TOM1: variants seen among roughly 807,000 people sequenced by gnomAD.
The protein encoded by TOM1 is target of myb1 membrane trafficking protein.
In TOM1, 38 loss-of-function variants were observed where a neutral mutation model predicts 61.3. The ratio of observed to expected loss-of-function variants is 0.62; its 90% CI spans 0.48 to 0.81. The LOEUF (loss-of-function observed/expected upper bound fraction) is 0.81. TOM1 is among the 40% of genes least tolerant of loss of function. The pLI is 0.00. For missense variants in TOM1, 591 were observed against 659.6 expected (o/e 0.90, Z 1.14); for synonymous variants, 270 against 268.8 (o/e 1.00, Z -0.04).
Position 35,323,687 on chromosome 22 carries a change from G to A in TOM1, c.501+57G>A. 6.2e-7 allele frequency: 1 copy of A among 1,610,692 alleles called. No homozygotes were observed. The highest frequency in any genetic ancestry group is 8.5e-7 in the Non-Finnish European group (1 of 1,177,314). On this transcript the variant is annotated intron_variant, in intron 5 of 14. Transcript: ENST00000449058. This position sits in a 1 kb window ranked among gnomAD's most constrained non-coding sequence, Gnocchi z 4.2. ...AAGGGAGGCAGGACTCATCCCCAGAGACATCACCAGGCTGGCCCCTGACTT... is the reference window on the plus strand; with the variant it reads ...AAGGGAGGCAGGACTCATCCCCAGAAACATCACCAGGCTGGCCCCTGACTT...
Position 35,332,441 on chromosome 22 carries a change from G to A in TOM1, c.900-540G>A, listed in dbSNP as rs113273925. 7.2e-5 allele frequency among the ~76,000 whole-genome samples: 11 copies of A among 152,212 alleles called. 1 individual carries two copies. The highest frequency in any genetic ancestry group is 2.2e-4 in the African/African-American group (9 of 41,530). The stretch of plus-strand genomic sequence containing the variant: ...AGTTCAGAAGGAACATAATTTACCC[G>A]AGGTCATGTGATAAGTGACAAGGCC... On this transcript the variant is annotated intron_variant, in intron 8 of 14. Transcript: ENST00000449058.
In TOM1 at chr22:35,308,169, CT is replaced by C. The variant is rs552195257; in HGVS notation, c.52+8191del. On this transcript the variant is annotated intron_variant, in intron 1 of 14. Coordinates refer to ENST00000449058, the MANE Select transcript of TOM1 (RefSeq NM_005488.3). ...CCTACAGATTTTCAACTTGCTAAGC[CT>C]TCACACCTGCATAAGCCAATTCCTT... 2.2e-4 allele frequency among the ~76,000 whole-genome samples: 34 copies of C among 152,274 alleles called. 1 individual carries two copies. In the South Asian group the frequency reaches 6.2e-3, roughly 28 times the overall value.
At chr22:35,333,550 A>T (rs888067834) in intron 10 of TOM1, 53 bp downstream of exon 10, 39 of 1,550,662 alleles carry the variant, frequency 2.5e-5, no homozygotes, top group Non-Finnish European at 3.3e-5. Context: ...TACTGTGGGC[A>T]CCCCTGCAGA....
At chr22:35,304,322 C>T (rs956652943) in intron 1 of TOM1, among the ~76,000 whole-genome samples, 2 of 152,126 alleles carry the variant, frequency 1.3e-5, no homozygotes, top group African/African-American at 4.8e-5. Flanking sequence ...CTCCCCTCAT[C>T]GATGAGTAGG....
At chr22:35,311,834 T>C (rs1301248084) in intron 1 of TOM1, among the ~76,000 whole-genome samples, 2 of 152,218 alleles carry the variant, frequency 1.3e-5, no homozygotes, top group African/African-American at 2.4e-5. Context: ...CTGACACTTC[T>C]TCACTGAATG....
chr22:35,338,839 G>C (rs1158138192), intron 12 of TOM1, 51 bp downstream of exon 12: 10 of 1,493,812 alleles, frequency 6.7e-6, no homozygotes, highest in Non-Finnish European at 8.9e-6. Context: ...AAGGAGGTGA[G>C]GGAATGCTCA....
At chr22:35,314,101 AC>A (rs1476429441) in intron 1 of TOM1, among the ~76,000 whole-genome samples, 1 of 152,186 alleles carries the variant, frequency 6.6e-6, no homozygotes, top group African/African-American at 2.4e-5. Flanking sequence ...GAATATGCCT[AC>A]CCTGTGGGCA....
rs749523049 is a variant in TOM1, at chr22:35,327,346, G to A, written c.724G>A (p.Val242Met). 4 of 1,613,942 alleles carry A rather than the reference G, an allele frequency of 2.5e-6. No individual in the cohort carries two copies. The highest frequency in any genetic ancestry group is 2.5e-6 in the Non-Finnish European group (3 of 1,180,012). The change falls in exon 7 of 15, where the codon GTG (valine) becomes ATG (methionine). Residue 242 changes from valine (V) to methionine (M), a missense_variant. Coordinates refer to ENST00000449058, the MANE Select transcript of TOM1 (RefSeq NM_005488.3). Reference sequence around the variant, plus strand: ...GATGTCGGAGATGCTGACGGAGCTGGTGCCCACCCAGGCCGAGCCCGCAGA... The same window carrying A: ...GATGTCGGAGATGCTGACGGAGCTGATGCCCACCCAGGCCGAGCCCGCAGA... ...RVMSEMLTEL[V>M]PTQAEPADLE...
chr22:35,346,880 C>T (rs371002429), intron 13 of TOM1, 50 bp from the exon 14 acceptor site: 178 of 1,576,932 alleles, frequency 1.1e-4, no homozygotes, highest in Non-Finnish European at 1.3e-4. Context: ...CCAGGCTGAC[C>T]GTACTGGGGG....
intron 1 of TOM1, among the ~76,000 whole-genome samples, chr22:35,310,628 A>G: frequency 6.6e-6 from 1 of 152,264 alleles, no homozygotes; most frequent in East Asian, 1.9e-4. Context: ...TAAGGGATCA[A>G]TGAGTGCCCA....
intron 7 of TOM1, among the ~76,000 whole-genome samples, chr22:35,329,127 T>C (rs1928595141): frequency 6.6e-6 from 1 of 152,146 alleles, no homozygotes; most frequent in Non-Finnish European, 1.5e-5. Flanking sequence ...GGCTAATTTT[T>C]GTATTATTAG....
At chr22:35,299,797 G>A, upstream of TOM1, 3 of 1,027,478 alleles carry the variant, frequency 2.9e-6, no homozygotes, top group Non-Finnish European at 4.3e-6. Context: ...GGGGCTTGTG[G>A]TCGAGCTTCG....
At chr22:35,330,564 C>A in intron 8 of TOM1, 84 bp downstream of exon 8, 1 of 1,347,402 alleles carries the variant, frequency 7.4e-7, no homozygotes, top group Non-Finnish European at 1.0e-6. Context: ...GGTCTCATGC[C>A]ATCTGAGCCT....
Position 35,347,425 on chromosome 22 carries a change from G to C in TOM1, c.*216G>C. ...GTCTGCGCTGCAGTGGGATCTGGCT[G>C]CTCTGCCTCCTTTCCCACCCCAGCT... On this transcript the variant is annotated 3_prime_UTR_variant, in exon 15 of 15. Transcript: ENST00000449058. 2.2e-6 allele frequency: 1 copy of C among 458,212 alleles called. No homozygotes were observed. 28.4% of individuals were successfully genotyped at this position (458,212 alleles called of 1,614,324 possible). A position where few individuals can be genotyped will look rare whatever the true frequency, so the allele number is the denominator to read the frequency against.
intron 1 of TOM1, among the ~76,000 whole-genome samples, chr22:35,316,421 A>G (rs1601678084): frequency 6.6e-6 from 1 of 152,258 alleles, no homozygotes; most frequent in East Asian, 1.9e-4. Flanking sequence ...AAAACAGGCC[A>G]TGCGGCACCT....
chr22:35,338,803 C>A lies in TOM1; in HGVS notation c.1224+15C>A. 6.4e-7 allele frequency: 1 copy of A among 1,565,094 alleles called. No homozygotes were observed. Among genetic ancestry groups the A allele is most frequent in the Non-Finnish European group, 8.6e-7 (1 of 1,158,540 alleles). On this transcript the variant is annotated intron_variant, in intron 12 of 14. Transcript: ENST00000449058. ...GCACTGGCGCGGTAAGCAGAGGGGC[C>A]ATCCTGCCACCCTGGGGCCCTCCTG... is the stretch of plus-strand genomic sequence containing the variant.
chr22:35,338,554 C>T (rs894679035), intron 11 of TOM1, among the ~76,000 whole-genome samples, 159 bp from the exon 12 acceptor site: 1 of 152,082 alleles, frequency 6.6e-6, no homozygotes, highest in East Asian at 1.9e-4. Context: ...GGTCACTTGT[C>T]AGATCCTAAT....
intron 11 of TOM1, among the ~76,000 whole-genome samples, chr22:35,335,408 G>C (rs572131745): frequency 6.6e-6 from 1 of 152,284 alleles, no homozygotes; most frequent in South Asian, 2.1e-4. Context: ...CTGGCTGTTA[G>C]CTGTATCTTT....
Position 35,323,798 on chromosome 22 carries a change from C to T in TOM1, c.532C>T (p.Gln178Ter), listed in dbSNP as rs754140635. 1.2e-6 allele frequency: 2 copies of T among 1,612,668 alleles called. No individual in the cohort carries two copies. Among genetic ancestry groups the T allele is most frequent in the Non-Finnish European group, 1.7e-6 (2 of 1,179,258 alleles). The change falls in exon 6 of 15, where the codon CAG becomes TAG. Residue 178 changes from glutamine to a stop codon, truncating the protein, a stop_gained. Transcript: ENST00000449058. LOFTEE classifies it high-confidence loss of function. This position sits in a 1 kb window ranked among gnomAD's most constrained non-coding sequence, Gnocchi z 4.2. ...TVFNSETQSG[Q>*]DSVGTDSSQQ... The stretch of plus-strand genomic sequence containing the variant: ...GTTCAACTCAGAGACACAATCAGGA[C>T]AGGATTCTGTGGGCACTGACTCCAG...
Sources: gnomAD v4.1 joint callset for allele counts (sites outside exome capture counted in the v4.1 genomes callset) on GRCh38, gnomAD v4.1.1 for gene constraint, Gnocchi (gnomAD v3.1) non-coding constraint, MANE v1.5 for transcripts, NCBI Gene and HGNC (gene_info 2026-07-23, HGNC 2026-07-21) for gene names.